MIA2: variants seen among roughly 807,000 people sequenced by gnomAD.
The protein encoded by MIA2 is melanoma inhibitory activity protein 2.
Under a neutral mutation model 167.8 loss-of-function variants are expected in MIA2, and 127 were observed. The observed-to-expected ratio is 0.76, with a 90% CI of 0.66 to 0.88. The LOEUF (loss-of-function observed/expected upper bound fraction) is 0.88. MIA2 is among the 40% of genes least tolerant of loss of function. The pLI, the probability that MIA2 is intolerant of heterozygous loss-of-function variation, is 0.00. For synonymous variants in MIA2, 552 were observed against 541.9 expected (o/e 1.02, Z -0.26); for missense variants, 1,690 against 1,624.7 (o/e 1.04, Z -0.69).
intron 13 of MIA2, among the ~76,000 whole-genome samples, chr14:39,296,057 C>G (rs1050568549): frequency 6.6e-6 from 1 of 151,744 alleles, no homozygotes; most frequent in African/African-American, 2.4e-5. Context: ...TTTGGCCTCC[C>G]TTGGTTTCAT....
chr14:39,341,546 A>C (rs1378603671), intron 25 of MIA2, among the ~76,000 whole-genome samples: 1 of 152,166 alleles, frequency 6.6e-6, no homozygotes, highest in Non-Finnish European at 1.5e-5. Flanking sequence ...AGAGCAAGTG[A>C]GTACAGATGT....
chr14:39,269,565 G>T (rs567027906), intron 6 of MIA2, among the ~76,000 whole-genome samples: 30 of 151,848 alleles, frequency 2.0e-4, no homozygotes, highest in Admixed American at 1.2e-3. Flanking sequence ...TGTCACCCAG[G>T]GGGGAGTGCA....
At chr14:39,332,090 G>C (rs141316255) in intron 25 of MIA2, among the ~76,000 whole-genome samples, 2 of 152,248 alleles carry the variant, frequency 1.3e-5, no homozygotes, top group East Asian at 3.9e-4. Context: ...TCAAATATAG[G>C]TTTGGTCTTT....
At chr14:39,376,771 A>G (rs1042145804) in intron 23 of MIA2, among the ~76,000 whole-genome samples, 4 of 152,248 alleles carry the variant, frequency 2.6e-5, no homozygotes, top group African/African-American at 9.6e-5. Flanking sequence ...TGGAGGGGAA[A>G]TAGGAAGTGT....
intron 23 of MIA2, among the ~76,000 whole-genome samples, chr14:39,362,672 C>T (rs974811147): frequency 6.6e-6 from 1 of 152,146 alleles, no homozygotes; most frequent in Non-Finnish European, 1.5e-5. Context: ...TTTCTAGTCT[C>T]TATTTTGTTT....
At chr14:39,339,270 G>A (rs183100558) in intron 25 of MIA2, among the ~76,000 whole-genome samples, 2 of 152,150 alleles carry the variant, frequency 1.3e-5, no homozygotes, top group East Asian at 1.9e-4. Context: ...GTACTGGCCC[G>A]CAGCCCAGGG....
intron 9 of MIA2, among the ~76,000 whole-genome samples, chr14:39,289,218 G>T (rs974512598): frequency 2.3e-5 from 2 of 87,694 alleles, no homozygotes; most frequent in Admixed American, 1.3e-4. Flanking sequence ...TGTAAGGTAG[G>T]CAGGTTTTCT....
intron 23 of MIA2, chr14:39,370,425 C>G: frequency 4.2e-6 from 1 of 239,190 alleles, no homozygotes; most frequent in Non-Finnish European, 9.3e-6. Flanking sequence ...CTGACAAACT[C>G]TCCATTGAGG....
chr14:39,358,224 C>A (rs140353273), intron 23 of MIA2, among the ~76,000 whole-genome samples: 4,490 of 152,162 alleles, frequency 0.03, 241 homozygotes, highest in African/African-American at 0.1. Context: ...TCACATAGTC[C>A]CATATTTCTT....
At chr14:39,256,037 C>T (rs1030602110) in intron 6 of MIA2, among the ~76,000 whole-genome samples, 4 of 152,108 alleles carry the variant, frequency 2.6e-5, no homozygotes, top group Non-Finnish European at 5.9e-5. Flanking sequence ...CAGTTGTCAA[C>T]ATTTAAAAGG....
At chr14:39,378,340 C>T (rs990653119) in intron 23 of MIA2, among the ~76,000 whole-genome samples, 1 of 152,170 alleles carries the variant, frequency 6.6e-6, no homozygotes, top group Non-Finnish European at 1.5e-5. Flanking sequence ...CTACTGTGCT[C>T]AATATTGGAT....
intron 23 of MIA2, among the ~76,000 whole-genome samples, chr14:39,357,901 A>G (rs541147484): frequency 5.3e-4 from 81 of 152,316 alleles, no homozygotes; most frequent in Non-Finnish European, 8.1e-4. Context: ...TCTGGCTTGT[A>G]AAGATTCTGC....
At chr14:39,251,679 T>G (rs564306834) in intron 4 of MIA2, among the ~76,000 whole-genome samples, 143 of 152,238 alleles carry the variant, frequency 9.4e-4, no homozygotes, top group South Asian at 1.2e-3. Flanking sequence ...ATTTGTATGC[T>G]CTTGTTAAGT....
rs2053775827 is a variant in MIA2 at position 39,237,012 on chromosome 14, A to T, written c.206A>T (p.Tyr69Phe). 3.7e-6 allele frequency: 6 copies of T among 1,614,138 alleles called. No homozygotes were observed. Among genetic ancestry groups the T allele is most frequent in the Non-Finnish European group, 5.1e-6 (6 of 1,179,992 alleles). The change falls in exon 2 of 29, where the codon TAT (tyrosine) becomes TTT (phenylalanine). Residue 69 changes from tyrosine (Y) to phenylalanine (F), a missense_variant. Tyr to Phe is a conservative substitution (Grantham distance 22). Transcript: ENST00000640607. Reference sequence around the variant, plus strand: ...ACTAAGGGAGAAGAGATATCTGTTTATGTTAAACTTGCAGGAGAAAGGGAA... The same window carrying T: ...ACTAAGGGAGAAGAGATATCTGTTTTTGTTAAACTTGCAGGAGAAAGGGAA... ...NFTKGEEISV[Y>F]VKLAGEREDL... is the part of the protein sequence containing the mutation.
intron 9 of MIA2, among the ~76,000 whole-genome samples, chr14:39,289,712 G>A (rs904010143): frequency 5.2e-4 from 79 of 152,080 alleles, no homozygotes; most frequent in African/African-American, 1.7e-3. Context: ...TGAACTCTTG[G>A]CCTCAAGTGA....
chr14:39,386,804 A>C lies in MIA2; in HGVS notation c.2249-81A>C, dbSNP rs1595974856. 3.9e-6 allele frequency: 4 copies of C among 1,020,276 alleles called. No homozygotes were observed. The South Asian group carries it at 5.1e-5, about 13-fold the overall frequency. 63.2% of individuals were successfully genotyped at this position (1,020,276 alleles called of 1,614,324 possible). ...CTTTTCTAAGTGATAGATTAGTGTCACCATTACTGATGACCATAGAATTCT... is the reference window on the plus strand; with the variant it reads ...CTTTTCTAAGTGATAGATTAGTGTCCCCATTACTGATGACCATAGAATTCT... On this transcript the variant is annotated intron_variant, in intron 23 of 23. Coordinates refer to the MIA2 transcript ENST00000341502.
In MIA2 at chr14:39,291,125, A is replaced by G. The variant is rs746947506; in HGVS notation, c.2208+29A>G. On this transcript the variant is annotated intron_variant, in intron 10 of 28. Coordinates refer to ENST00000640607, the MANE Select transcript of MIA2 (RefSeq NM_001329214.4). ...GAAAATCAAATGGTATAATTTTAAA[A>G]GCTGGGGAAAAAAATACTAAGTAAC... 14 of 1,562,774 alleles carry G rather than the reference A, an allele frequency of 9.0e-6. No individual in the cohort carries two copies. In the South Asian group the frequency reaches 1.6e-4, roughly 18 times the overall value.
chr14:39,344,741 T>C (rs1203850055), intron 25 of MIA2, among the ~76,000 whole-genome samples: 1 of 152,186 alleles, frequency 6.6e-6, no homozygotes, highest in African/African-American at 2.4e-5. Flanking sequence ...ACAATTCACC[T>C]TCTTTGTCGT....
At chr14:39,364,216 G>A (rs574808929) in intron 23 of MIA2, among the ~76,000 whole-genome samples, 20 of 152,076 alleles carry the variant, frequency 1.3e-4, no homozygotes, top group African/African-American at 4.1e-4. Flanking sequence ...AAATTAGCTG[G>A]GTGTGGTGGC....
Sources: allele counts gnomAD v4.1 joint callset (sites outside exome capture counted in the v4.1 genomes callset), GRCh38; gene constraint gnomAD v4.1.1; transcripts MANE v1.5; gene names NCBI Gene and HGNC (gene_info 2026-07-23, HGNC 2026-07-21).